Variants in IDI2 observed in about 807,000 individuals in gnomAD.
IDI2 encodes the protein isopentenyl-diphosphate delta isomerase 2, also known as isopentenyl-diphosphate delta-isomerase 2.
A neutral mutation model predicts 14.8 loss-of-function variants in IDI2; 18 were observed. The ratio of observed to expected loss-of-function variants is 1.22; its 90% CI spans 0.84 to 1.80. IDI2 has a LOEUF of 1.80. Among genes scored for constraint, IDI2 ranks in the 40% most tolerant of loss-of-function variants. IDI2 has a pLI of 0.00. For missense variants in IDI2, 316 were observed against 283.2 expected (o/e 1.12, Z -0.83); for synonymous variants, 133 against 109.6 (o/e 1.21, Z -1.33).
chr10:1,022,745 A>G lies in IDI2; in HGVS notation c.173T>C (p.Leu58Ser). ...GLLHRAFSVV[L>S]FNTKNRILIQ... ...CAGGATTCGATTCTTGGTGTTAAAC[A>G]AGACAACGCTGAAGGCTCGGTGCAG... The change falls in exon 3 of 5, where the codon TTG (leucine) becomes TCG (serine). Residue 58 changes from leucine (L) to serine (S), a missense_variant. Leu to Ser is a moderately radical substitution (Grantham distance 145, BLOSUM62 -2). Transcript: ENST00000277517. 1 of 1,614,186 alleles carries G rather than the reference A, an allele frequency of 6.2e-7. No individual in the cohort carries two copies. The highest frequency in any genetic ancestry group is 2.2e-5 in the East Asian group (1 of 44,884).
chr10:1,020,702 TCA>T, intron 4 of IDI2, 63 bp downstream of exon 4: 1 of 1,509,642 alleles, frequency 6.6e-7, no homozygotes, highest in Non-Finnish European at 8.9e-7. Flanking sequence ...TGGACTTTGT[TCA>T]CCGTCTGCCC....
In IDI2 at chr10:1,019,576, A is replaced by G; in HGVS notation, c.625T>C (p.Trp209Arg). 6.2e-7 allele frequency: 1 copy of G among 1,613,974 alleles called. No individual in the cohort carries two copies. The highest frequency in any genetic ancestry group is 8.5e-7 in the Non-Finnish European group (1 of 1,179,976). The stretch of plus-strand genomic sequence containing the variant: ...GGGGTCACGTCATCCAGGTGAGGCC[A>G]CCACCGGTACAGAAACCTCTCGGCA... ...TIAERFLYRW[W>R]PHLDDVTPFV... The change falls in exon 5 of 5, where the codon TGG (tryptophan) becomes CGG (arginine). Residue 209 changes from tryptophan (W) to arginine (R), a missense_variant. Trp to Arg is a moderately radical substitution (Grantham distance 101). Coordinates refer to ENST00000277517, the MANE Select transcript of IDI2 (RefSeq NM_033261.3).
chr10:1,019,933 T>C (rs1369615648), intron 4 of IDI2, 99 bp from the exon 5 acceptor site: 2 of 948,570 alleles, frequency 2.1e-6, no homozygotes, highest in African/African-American at 3.3e-5. Context: ...CCTCAGAAAA[T>C]GAACACTTTC....
At chr10:1,025,312 G>A (rs187846806) in intron 1 of IDI2, among the ~76,000 whole-genome samples, 1 of 152,214 alleles carries the variant, frequency 6.6e-6, no homozygotes, top group Non-Finnish European at 1.5e-5. Flanking sequence ...GGCCGAGGTG[G>A]GAGGATCACT....
At position 1,024,694 on chromosome 10, in the gene IDI2, G is replaced by T; in HGVS notation, c.30C>A (p.Asp10Glu). The change falls in exon 2 of 5, where the codon GAC becomes GAA. Residue 10 changes from aspartate (D) to glutamate (E), a missense_variant. Transcript: ENST00000277517. ...CCTCCAAGCGCTGCAACTGACGCCT[G>T]TCAACCCAGTCAAGATTTATGTCAG... MSDINLDWV[D>E]RRQLQRLEEM... 6.2e-7 allele frequency: 1 copy of T among 1,614,182 alleles called. No individual in the cohort carries two copies. Among genetic ancestry groups the T allele is most frequent in the Non-Finnish European group, 8.5e-7 (1 of 1,180,034 alleles).
At position 1,020,872 on chromosome 10, in the gene IDI2, G is replaced by T; in HGVS notation, c.261C>A (p.Ser87Arg). Residue 87 changes from serine (S) to arginine (R), a missense_variant, in exon 4 of 5, where the codon AGC (serine) becomes AGA (arginine). Transcript: ENST00000277517. The part of the protein sequence containing the change: ...FPGYFTDSCS[S>R]HPLYNPAELE... ...GTTCTGCTGGGTTGTATAATGGGTG[G>T]CTACTACAGGAGTCGGTAAAATACC... 1.2e-6 allele frequency: 2 copies of T among 1,613,814 alleles called. No individual in the cohort carries two copies. Among genetic ancestry groups the T allele is most frequent in the Non-Finnish European group, 8.5e-7 (1 of 1,179,852 alleles).
intron 4 of IDI2, 34 bp downstream of exon 4, chr10:1,020,733 C>G: frequency 6.3e-7 from 1 of 1,583,918 alleles, no homozygotes; most frequent in Non-Finnish European, 8.6e-7. Context: ...CCTGGACTCC[C>G]GTGGACACAG....
chr10:1,020,369 T>C (rs756354796), intron 4 of IDI2, among the ~76,000 whole-genome samples: 1 of 152,118 alleles, frequency 6.6e-6, no homozygotes, highest in African/African-American at 2.4e-5. Flanking sequence ...TTTTGTACTT[T>C]TAATAGAGAC....
At chr10:1,024,401 C>T (rs1297040536) in intron 2 of IDI2, among the ~76,000 whole-genome samples, 181 bp downstream of exon 2, 1 of 152,138 alleles carries the variant, frequency 6.6e-6, no homozygotes, top group Non-Finnish European at 1.5e-5. Flanking sequence ...AGGGCTTGAC[C>T]AAGCAAAGAC....
chr10:1,022,651 C>T (rs1437303538), intron 3 of IDI2, 32 bp downstream of exon 3: 1 of 1,508,162 alleles, frequency 6.6e-7, no homozygotes, highest in South Asian at 1.1e-5. Flanking sequence ...GAGATGCTCT[C>T]TTCAGTCCGG....
chr10:1,020,690 C>G, intron 4 of IDI2, 77 bp downstream of exon 4: 1 of 1,277,288 alleles, frequency 7.8e-7, no homozygotes, highest in Non-Finnish European at 1.0e-6. Flanking sequence ...GTAGATCCAG[C>G]CTGGACTTTG....
intron 2 of IDI2, among the ~76,000 whole-genome samples, chr10:1,023,789 A>G (rs1000926596): frequency 6.6e-5 from 10 of 152,218 alleles, no homozygotes; most frequent in African/African-American, 2.4e-4. Context: ...ACAGTGTATT[A>G]TATGTTTCAA....
chr10:1,021,633 G>T (rs577996732), intron 3 of IDI2, among the ~76,000 whole-genome samples: 1 of 152,296 alleles, frequency 6.6e-6, no homozygotes, highest in Non-Finnish European at 1.5e-5. Flanking sequence ...AGCTCCAGGG[G>T]CTTTATTTGC....
rs1326272988 is a variant in IDI2, at chr10:1,022,505, G to T, written c.235+178C>A. 138 of 499,264 alleles carry T rather than the reference G, an allele frequency of 2.8e-4. 2 individuals are homozygous for T. Among genetic ancestry groups the T allele is most frequent in the Non-Finnish European group, 1.4e-5 (4 of 278,066 alleles). The allele number at this position is 499,264 out of a possible 1,614,324, so 30.9% of individuals were successfully genotyped here. A position where few individuals can be genotyped will look rare whatever the true frequency, so the allele number is the denominator to read the frequency against. On this transcript the variant is annotated intron_variant, in intron 3 of 4. Coordinates refer to ENST00000277517, the MANE Select transcript of IDI2 (RefSeq NM_033261.3). ...TTACTTTTTTAAAAAAGAAAACCCAGCCTACTGAAGAGCTATCAGCATAAT... is the reference window on the plus strand; with the variant it reads ...TTACTTTTTTAAAAAAGAAAACCCATCCTACTGAAGAGCTATCAGCATAAT...
At chr10:1,023,300 C>G (rs748094747) in intron 2 of IDI2, among the ~76,000 whole-genome samples, 7 of 152,050 alleles carry the variant, frequency 4.6e-5, no homozygotes, top group Admixed American at 1.3e-4. Context: ...ATGGTGAAAC[C>G]CCGTCTCTAC....
intron 3 of IDI2, among the ~76,000 whole-genome samples, 157 bp from the exon 4 acceptor site, chr10:1,021,054 C>T (rs554088278): frequency 4.6e-5 from 7 of 152,360 alleles, no homozygotes; most frequent in Admixed American, 6.5e-5. Flanking sequence ...GAGCAGCACT[C>T]GCCTCCAGCC....
At chr10:1,023,346 G>T (rs181162971) in intron 2 of IDI2, among the ~76,000 whole-genome samples, 6 of 152,138 alleles carry the variant, frequency 3.9e-5, no homozygotes, top group Admixed American at 3.9e-4. Flanking sequence ...CGTGGTGGCA[G>T]GTGCCTGTAG....
rs951061455 is a variant in IDI2, at chr10:1,019,373, A to G, written c.*144T>C. 2 of 577,764 alleles carry G rather than the reference A, an allele frequency of 3.5e-6. No individual in the cohort carries two copies. The highest frequency in any genetic ancestry group is 6.0e-6 in the Non-Finnish European group (2 of 334,628). The allele number at this position is 577,764 out of a possible 1,614,324, so 35.8% of individuals were successfully genotyped here. The stretch of plus-strand genomic sequence containing the variant: ...AAATGAAGATATGACAAAGTTGATG[A>G]AAAGGTTGAAATAGTGATTTATACA... On this transcript the variant is annotated 3_prime_UTR_variant, in exon 5 of 5. Transcript: ENST00000277517.
Position 1,019,562 on chromosome 10 carries a change from A to G in IDI2, c.639T>C (p.Asp213=), listed in dbSNP as rs762940863. The change falls in exon 5 of 5, where the codon GAT becomes GAC. Residue 213 remains aspartate (D), a synonymous_variant. Transcript: ENST00000277517. Reference sequence around the variant, plus strand: ...GAAGCTCCACAAACGGGGTCACGTCATCCAGGTGAGGCCACCACCGGTACA... The same window carrying G: ...GAAGCTCCACAAACGGGGTCACGTCGTCCAGGTGAGGCCACCACCGGTACA... ...RFLYRWWPHL[D]DVTPFVELHK... is the part of the protein sequence containing the mutation. 1.2e-6 allele frequency: 2 copies of G among 1,613,774 alleles called. No homozygotes were observed. Among genetic ancestry groups the G allele is most frequent in the Admixed American group, 3.3e-5 (2 of 59,970 alleles).
Sources: allele counts gnomAD v4.1 joint callset (sites outside exome capture counted in the v4.1 genomes callset), GRCh38; gene constraint gnomAD v4.1.1; transcripts MANE v1.5; gene names NCBI Gene and HGNC (gene_info 2026-07-23, HGNC 2026-07-21).